Variants in TRDN observed in about 807,000 individuals in gnomAD.
The protein encoded by TRDN is triadin in skeletal muscle.
Under a neutral mutation model 149.7 loss-of-function variants are expected in TRDN, and 161 were observed. The ratio of observed to expected loss-of-function variants is 1.08; its 90% confidence interval spans 0.95 to 1.23. The LOEUF is 1.23. Among genes scored for constraint, TRDN ranks in the 50% most tolerant of loss-of-function variants. The pLI is 0.00. For synonymous variants in TRDN, 294 were observed against 250.5 expected (o/e 1.17, Z -1.64); for missense variants, 896 against 823.5 (o/e 1.09, Z -1.08).
At chr6:123,399,602 A>G (rs1772879202) in intron 12 of TRDN, among the ~76,000 whole-genome samples, 1 of 152,236 alleles carries the variant, frequency 6.6e-6, no homozygotes, top group African/African-American at 2.4e-5. Context: ...TGCCAGAGAA[A>G]GAAATACCTG....
chr6:123,552,520 G>A (rs1401211335), intron 2 of TRDN, among the ~76,000 whole-genome samples: 1 of 152,004 alleles, frequency 6.6e-6, no homozygotes, highest in African/African-American at 2.4e-5. Flanking sequence ...TACAAGCTTG[G>A]GTTCTGAGTT....
intron 9 of TRDN, among the ~76,000 whole-genome samples, chr6:123,480,969 C>A (rs1777722916): frequency 6.6e-6 from 1 of 152,024 alleles, no homozygotes; most frequent in South Asian, 2.1e-4. Context: ...TTTTAAACAA[C>A]CTTAAGACCC....
intron 24 of TRDN, among the ~76,000 whole-genome samples, chr6:123,279,621 T>C (rs1169475181): frequency 1.3e-5 from 2 of 152,042 alleles, no homozygotes; most frequent in African/African-American, 4.8e-5. Flanking sequence ...TTTTTTCTAC[T>C]TCTCACTCCC....
intron 4 of TRDN, among the ~76,000 whole-genome samples, chr6:123,537,426 T>C (rs1780606143): frequency 1.3e-5 from 2 of 152,140 alleles, no homozygotes; most frequent in Admixed American, 1.3e-4. Flanking sequence ...TAGTCCAAGT[T>C]AGAGTTTTCA....
chr6:123,249,557 A>G (rs148485331), intron 38 of TRDN, among the ~76,000 whole-genome samples: 631 of 152,318 alleles, frequency 4.1e-3, no homozygotes, highest in Middle Eastern at 0.014. Context: ...TAATTAGATA[A>G]AGAACATGTA....
At chr6:123,236,706 C>T (rs377257079) in intron 38 of TRDN, among the ~76,000 whole-genome samples, 1 of 152,104 alleles carries the variant, frequency 6.6e-6, no homozygotes, top group Non-Finnish European at 1.5e-5. Flanking sequence ...TACTTATTCT[C>T]CACTAAATTG....
chr6:123,364,695 C>A (rs911774873), intron 20 of TRDN, among the ~76,000 whole-genome samples: 1 of 152,072 alleles, frequency 6.6e-6, no homozygotes, highest in Non-Finnish European at 1.5e-5. Flanking sequence ...AGAAACCTAT[C>A]TTCTGCTATT....
rs1452719972 is a variant in TRDN at position 123,358,056 on chromosome 6, A to AT, written c.1322-5471dup. 2.0e-5 allele frequency among the ~76,000 whole-genome samples: 3 copies of AT among 152,308 alleles called. No homozygotes were observed. The South Asian group carries it at 6.2e-4, about 32-fold the overall frequency. ...ATAAACAGCTCATCTAAGTAAGTGA[A>AT]TTTTTTAACTTCTTGGAGTCAAAAG... On this transcript the variant is annotated intron_variant, in intron 20 of 40. Transcript: ENST00000334268.
intron 12 of TRDN, among the ~76,000 whole-genome samples, chr6:123,436,724 C>T (rs1774580139): frequency 6.6e-6 from 1 of 152,036 alleles, no homozygotes; most frequent in Non-Finnish European, 1.5e-5. Context: ...CAATCTTCTT[C>T]GTTTAAGCTT....
intron 19 of TRDN, among the ~76,000 whole-genome samples, chr6:123,374,557 T>C (rs1223919657): frequency 6.6e-6 from 1 of 152,160 alleles, no homozygotes; most frequent in Non-Finnish European, 1.5e-5. Context: ...TCTATGTGTA[T>C]ACTTCAAACT....
intron 21 of TRDN, chr6:123,351,628 T>C: frequency 3.4e-5 from 33 of 959,416 alleles, no homozygotes; most frequent in Non-Finnish European, 4.1e-5. Context: ...TTAGTTTACT[T>C]ATTTGACATG....
At position 123,636,931 on chromosome 6, in the gene TRDN, T is replaced by C. The variant is rs1024377201; in HGVS notation, c.-156A>G. The C allele has an allele frequency of 3.7e-6, 3 of 813,486 alleles. No homozygotes were observed. The highest frequency in any genetic ancestry group is 6.0e-6 in the Non-Finnish European group (3 of 501,246). The allele number at this position is 813,486 out of a possible 1,614,324, so 50.4% of individuals were successfully genotyped here. A position where few individuals can be genotyped will look rare whatever the true frequency, so the allele number is the denominator to read the frequency against. ...TTTCTGCTGCTTCTTTGTTGTCCTGTTGAACTTTGCCTCTCCTCTGCAGAG... is the reference window on the plus strand; with the variant it reads ...TTTCTGCTGCTTCTTTGTTGTCCTGCTGAACTTTGCCTCTCCTCTGCAGAG... On this transcript the variant is annotated 5_prime_UTR_variant, in exon 1 of 41. Transcript: ENST00000334268.
intron 10 of TRDN, chr6:123,464,411 T>C (rs1776665057): frequency 1.0e-6 from 1 of 964,762 alleles, no homozygotes; most frequent in African/African-American, 1.8e-5. Flanking sequence ...TATATATATT[T>C]CAATCCTCAC....
At chr6:123,561,694 G>A (rs1402584594) in intron 2 of TRDN, among the ~76,000 whole-genome samples, 2 of 151,810 alleles carry the variant, frequency 1.3e-5, no homozygotes, top group Non-Finnish European at 2.9e-5. Flanking sequence ...CCGTATCCAG[G>A]CCATCACCAA....
At chr6:123,316,048 A>C (rs1582861684) in intron 24 of TRDN, among the ~76,000 whole-genome samples, 1 of 151,952 alleles carries the variant, frequency 6.6e-6, no homozygotes, top group Non-Finnish European at 1.5e-5. Flanking sequence ...GGTTGAAAGT[A>C]GGTAAATACA....
chr6:123,503,852 C>T lies in TRDN; in HGVS notation c.660G>A (p.Lys220=), dbSNP rs746539034. 1.3e-6 allele frequency: 2 copies of T among 1,590,466 alleles called. No individual in the cohort carries two copies. The highest frequency in any genetic ancestry group is 1.7e-6 in the Non-Finnish European group (2 of 1,166,906). ...TAEKSEEKTK[K]EVKGGKQEKV... ...TCTCCTGTTTTCCACCTTTCACTTC[C>T]TTTTTAGTCTTTTCTTCACTCTTTT... The change falls in exon 8 of 41, where the codon AAG becomes AAA. Residue 220 remains lysine, a synonymous_variant. Coordinates refer to ENST00000334268, the MANE Select transcript of TRDN (RefSeq NM_006073.4).
chr6:123,490,401 G>C (rs1778163847), intron 9 of TRDN, among the ~76,000 whole-genome samples: 1 of 152,314 alleles, frequency 6.6e-6, no homozygotes, highest in East Asian at 1.9e-4. Flanking sequence ...TGGTGGAATA[G>C]AGCGTGATAA....
At chr6:123,542,582 A>T (rs1780891534) in intron 4 of TRDN, among the ~76,000 whole-genome samples, 1 of 152,194 alleles carries the variant, frequency 6.6e-6, no homozygotes, top group African/African-American at 2.4e-5. Context: ...CAGATATATT[A>T]TAGATGGAGG....
intron 24 of TRDN, among the ~76,000 whole-genome samples, chr6:123,301,759 A>ATATATGTATGTATGTATG: frequency 1.2e-5 from 1 of 83,308 alleles, no homozygotes; most frequent in Admixed American, 1.5e-4. Flanking sequence ...ATACATATAT[A>ATATATGTATGTATGTATG]TATATATATA....
Sources: gnomAD v4.1 joint callset for allele counts (sites outside exome capture counted in the v4.1 genomes callset) on GRCh38, gnomAD v4.1.1 for gene constraint, MANE v1.5 for transcripts, NCBI Gene and HGNC (gene_info 2026-07-23, HGNC 2026-07-21) for gene names.